The following RALGAPA1 variants were observed in gnomAD, a reference collection of about 807,000 sequenced individuals.
RALGAPA1 encodes ral GTPase-activating protein subunit alpha-1.
In RALGAPA1, 52 loss-of-function variants were observed where a neutral mutation model predicts 269.6. That is an observed-to-expected ratio of 0.19 (90% CI 0.15 to 0.24). RALGAPA1 has a LOEUF of 0.24. RALGAPA1 is among the 10% of genes least tolerant of loss of function. RALGAPA1 has a pLI of 1.00. For missense variants in RALGAPA1, 1,917 were observed against 3,013.9 expected, an observed-to-expected ratio of 0.64 and a Z score of 8.52; for synonymous variants, 817 against 1,008.3, an observed-to-expected ratio of 0.81 and a Z score of 3.60.
At chr14:35,693,564 G>C (rs1209699076) in intron 17 of RALGAPA1, among the ~76,000 whole-genome samples, 2 of 151,894 alleles carry the variant, frequency 1.3e-5, no homozygotes, top group African/African-American at 4.8e-5. Context: ...CCCATGTTCA[G>C]AGAAACTCCT....
chr14:35,612,801 G>A (rs2060038485), intron 35 of RALGAPA1, among the ~76,000 whole-genome samples: 2 of 152,074 alleles, frequency 1.3e-5, no homozygotes, highest in South Asian at 4.1e-4. Context: ...GCCTCCTAAA[G>A]TGCGGGGATT....
At chr14:35,577,660 A>G (rs2057668218) in intron 37 of RALGAPA1, among the ~76,000 whole-genome samples, 1 of 152,218 alleles carries the variant, frequency 6.6e-6, no homozygotes, top group African/African-American at 2.4e-5. Context: ...ATGATTACCA[A>G]CAGGAATTCC....
intron 35 of RALGAPA1, among the ~76,000 whole-genome samples, chr14:35,611,893 CA>C (rs1322308031): frequency 6.6e-6 from 1 of 152,106 alleles, no homozygotes; most frequent in Non-Finnish European, 1.5e-5. Flanking sequence ...AAACTTGCTA[CA>C]AAAGTCATCA....
At chr14:35,620,287 A>G (rs1184048563) in intron 35 of RALGAPA1, among the ~76,000 whole-genome samples, 1 of 152,204 alleles carries the variant, frequency 6.6e-6, no homozygotes, top group African/African-American at 2.4e-5. Context: ...AGATGCAGAA[A>G]AGGCCTTTGA....
chr14:35,594,929 G>GTA (rs2058841468), intron 37 of RALGAPA1, among the ~76,000 whole-genome samples: 1 of 151,936 alleles, frequency 6.6e-6, no homozygotes, highest in Non-Finnish European at 1.5e-5. Context: ...ATAAACTGTG[G>GTA]TATATATGCA....
chr14:35,590,054 A>T (rs1457106727), intron 37 of RALGAPA1, among the ~76,000 whole-genome samples: 1 of 152,198 alleles, frequency 6.6e-6, no homozygotes, highest in Non-Finnish European at 1.5e-5. Flanking sequence ...TTATTTTCAT[A>T]GAGATTTAAG....
chr14:35,561,010 A>G (rs1330369172), intron 39 of RALGAPA1, among the ~76,000 whole-genome samples: 1 of 151,870 alleles, frequency 6.6e-6, no homozygotes, highest in Non-Finnish European at 1.5e-5. Context: ...CAGATGGATC[A>G]CGAGGTCAGG....
At chr14:35,707,025 A>T (rs2067870291) in intron 16 of RALGAPA1, 1 of 152,138 alleles carries the variant, frequency 6.6e-6, no homozygotes, top group African/African-American at 2.4e-5. Flanking sequence ...CTTTCATCAA[A>T]GTTTCATAGT....
At chr14:35,756,656 G>A in intron 7 of RALGAPA1, 137 bp downstream of exon 7, 2 of 521,114 alleles carry the variant, frequency 3.8e-6, no homozygotes, top group Non-Finnish European at 6.6e-6. Flanking sequence ...GCAAGCCATT[G>A]ACCCTTCCCC....
At chr14:35,799,903 T>C (rs2076853446) in intron 1 of RALGAPA1, among the ~76,000 whole-genome samples, 1 of 152,200 alleles carries the variant, frequency 6.6e-6, no homozygotes, top group Non-Finnish European at 1.5e-5. Flanking sequence ...GGAATATATA[T>C]ATATCCTGCT....
At chr14:35,585,551 A>G (rs1475235872) in intron 37 of RALGAPA1, among the ~76,000 whole-genome samples, 1 of 152,242 alleles carries the variant, frequency 6.6e-6, no homozygotes, top group Non-Finnish European at 1.5e-5. Context: ...AAATGAACTT[A>G]TTCTCTAATA....
At chr14:35,670,022 A>T (rs1467609631) in intron 26 of RALGAPA1, among the ~76,000 whole-genome samples, 1 of 152,226 alleles carries the variant, frequency 6.6e-6, no homozygotes, top group Non-Finnish European at 1.5e-5. Flanking sequence ...CTGGAAAAAC[A>T]GGGTTATACA....
intron 33 of RALGAPA1, among the ~76,000 whole-genome samples, chr14:35,629,892 C>T (rs1315923110): frequency 6.6e-6 from 1 of 151,932 alleles, no homozygotes; most frequent in Non-Finnish European, 1.5e-5. Context: ...ATTGTGTAAC[C>T]ACCAACATAA....
chr14:35,627,978 G>T, intron 33 of RALGAPA1, 27 bp from the exon 34 acceptor site: 1 of 1,525,044 alleles, frequency 6.6e-7, no homozygotes, highest in Non-Finnish European at 8.8e-7. Flanking sequence ...TAAATGAATG[G>T]GAATATTGCT....
chr14:35,552,417 T>C (rs961517251), intron 39 of RALGAPA1, among the ~76,000 whole-genome samples: 2 of 152,230 alleles, frequency 1.3e-5, no homozygotes, highest in East Asian at 3.9e-4. Flanking sequence ...TATTAGTACA[T>C]ATACATTGAG....
intron 39 of RALGAPA1, among the ~76,000 whole-genome samples, chr14:35,561,316 A>C (rs1046494739): frequency 7.3e-5 from 11 of 151,646 alleles, no homozygotes; most frequent in Non-Finnish European, 1.5e-5. Context: ...ATAAATTAAA[A>C]CTGACATAAT....
chr14:35,766,251 G>A lies in RALGAPA1; in HGVS notation c.326-3498C>T, dbSNP rs117467104. 202 of 803,578 alleles carry A rather than the reference G, an allele frequency of 2.5e-4. No individual in the cohort carries two copies. The East Asian group carries it at 4.8e-3, about 19-fold the overall frequency. 49.8% of individuals were successfully genotyped at this position (803,578 alleles called of 1,614,324 possible). On this transcript the variant is annotated intron_variant, in intron 4 of 41. Transcript: ENST00000680220. ...AGGAATCTTAACCAGATGTGTGGATGATGCAGCAATTGTCTTGGGTGTACT... is the reference window on the plus strand; with the variant it reads ...AGGAATCTTAACCAGATGTGTGGATAATGCAGCAATTGTCTTGGGTGTACT...
chr14:35,579,454 C>T (rs1235664400), intron 37 of RALGAPA1, among the ~76,000 whole-genome samples: 2 of 151,836 alleles, frequency 1.3e-5, no homozygotes, highest in Admixed American at 1.3e-4. Flanking sequence ...CATGGTGAAA[C>T]CTTGTCTCTA....
intron 16 of RALGAPA1, among the ~76,000 whole-genome samples, chr14:35,721,117 A>AT (rs2069375189): frequency 6.6e-6 from 1 of 152,200 alleles, no homozygotes; most frequent in Admixed American, 6.5e-5. Context: ...ACACTGTGCG[A>AT]TTTTATGCCC....
Sources: allele counts gnomAD v4.1 joint callset (sites outside exome capture counted in the v4.1 genomes callset), GRCh38; gene constraint gnomAD v4.1.1; transcripts MANE v1.5; gene names NCBI Gene and HGNC (gene_info 2026-07-23, HGNC 2026-07-21).